The following CUX2 variants were observed in gnomAD, a reference collection of about 807,000 sequenced individuals.
CUX2 encodes the protein homeobox protein cut-like 2.
Under a neutral mutation model 144.8 loss-of-function variants are expected in CUX2, and 40 were observed. The observed-to-expected ratio is 0.28, with a 90% CI of 0.21 to 0.36. CUX2 has a LOEUF of 0.36. Ranked by LOEUF, CUX2 falls within the 10% of genes least tolerant of loss-of-function variation. The probability of loss-of-function intolerance (pLI) is 1.00; values close to 1 mark genes in which losing one functional copy is unlikely to be tolerated. For missense variants in CUX2, 1,615 were observed against 1,994.0 expected (o/e 0.81, Z 3.62); for synonymous variants, 827 against 875.6 (o/e 0.94, Z 0.98).
chr12:111,280,296 TAAATAAA>T lies in CUX2; in HGVS notation c.302-11121_302-11115del, dbSNP rs1450966849. On this transcript the variant is annotated intron_variant, in intron 4 of 21. Coordinates refer to ENST00000261726, the MANE Select transcript of CUX2 (RefSeq NM_015267.4). ...AGAGCAAGACTCTGTCTCAAATAAA[TAAATAAA>T]TAAGAATCAGGGAGAGACAGAAGGT... 1.3e-5 allele frequency among the ~76,000 whole-genome samples: 2 copies of T among 151,810 alleles called. 1 individual carries two copies. The highest frequency in any genetic ancestry group is 2.9e-5 in the Non-Finnish European group (2 of 67,966).
intron 18 of CUX2, among the ~76,000 whole-genome samples, chr12:111,329,476 C>A (rs1887992615): frequency 6.6e-6 from 1 of 152,118 alleles, no homozygotes; most frequent in Non-Finnish European, 1.5e-5. Flanking sequence ...GGGGTTCTCC[C>A]TGGGGGAGTG....
chr12:111,348,383 C>A lies in CUX2; in HGVS notation c.*58C>A. On this transcript the variant is annotated 3_prime_UTR_variant, in exon 22 of 22. Coordinates refer to ENST00000261726, the MANE Select transcript of CUX2 (RefSeq NM_015267.4). ...GTAACTACCTTCCTTCTCGCACTTA[C>A]TCTCCTCAACAGGATGGGGTAAGGG... 1 of 1,471,706 alleles carries A rather than the reference C, an allele frequency of 6.8e-7. No homozygotes were observed. Among genetic ancestry groups the A allele is most frequent in the East Asian group, 2.3e-5 (1 of 43,866 alleles). The allele number at this position is 1,471,706 out of a possible 1,614,324, so 91.2% of individuals were successfully genotyped here. A position where few individuals can be genotyped will look rare whatever the true frequency, so the allele number is the denominator to read the frequency against.
At chr12:111,052,723 T>G (rs1369957482) in intron 1 of CUX2, among the ~76,000 whole-genome samples, 2 of 152,142 alleles carry the variant, frequency 1.3e-5, no homozygotes, top group Non-Finnish European at 2.9e-5. Context: ...CTTTGTTTAT[T>G]TGTGCACCTT....
Position 111,059,335 on chromosome 12 carries a change from G to A in CUX2, c.63+25095G>A. ...AAAAAATGTGCAGACTCCACACGGA[G>A]CAAACTGGGTAGAAATAACCATATC... On this transcript the variant is annotated intron_variant, in intron 1 of 21. Transcript: ENST00000261726. The surrounding 1 kb of genome is among the most constrained non-coding windows in gnomAD (Gnocchi z 5.3). Among the ~76,000 whole-genome samples the A allele has an allele frequency of 6.6e-6, 1 of 152,228 alleles. No individual in the cohort carries two copies. Among genetic ancestry groups the A allele is most frequent in the South Asian group, 2.1e-4 (1 of 4,828 alleles).
rs544095561 is a variant in CUX2, at chr12:111,051,562, T to C, written c.63+17322T>C. On this transcript the variant is annotated intron_variant, in intron 1 of 21. Coordinates refer to ENST00000261726, the MANE Select transcript of CUX2 (RefSeq NM_015267.4). ...TGGTATAGTTACTCCCAGTTTCTTA[T>C]GGTGGCTGTTTGCATTATATATCTT... Among the ~76,000 whole-genome samples the C allele has an allele frequency of 7.8e-4, 118 of 152,232 alleles. 2 individuals carry two copies. The highest frequency in any genetic ancestry group is 2.6e-3 in the African/African-American group (106 of 41,556).
Position 111,312,112 on chromosome 12 carries a change from C to T in CUX2, c.1913C>T (p.Pro638Leu). 2 of 1,610,108 alleles carry T rather than the reference C, an allele frequency of 1.2e-6. No individual in the cohort carries two copies. Among genetic ancestry groups the T allele is most frequent in the Non-Finnish European group, 1.7e-6 (2 of 1,176,980 alleles). Residue 638 changes from proline (P) to leucine (L), a missense_variant, in exon 16 of 22, where the codon CCG becomes CTG. Pro to Leu is a moderately conservative substitution (Grantham distance 98). Coordinates refer to ENST00000261726, the MANE Select transcript of CUX2 (RefSeq NM_015267.4). This position sits in a 1 kb window ranked among gnomAD's most constrained non-coding sequence, Gnocchi z 4.3. ...CTTGCCTCCCCAGGCAGCATCACCC[C>T]GAGAATCCGCACGCCTGAGACAGGC... ...IQVRQRGSIT[P>L]RIRTPETGSD...
intron 3 of CUX2, among the ~76,000 whole-genome samples, chr12:111,225,081 GT>G (rs1201941180): frequency 3.3e-5 from 5 of 151,656 alleles, no homozygotes; most frequent in Non-Finnish European, 7.4e-5. Flanking sequence ...AATTTTTGTA[GT>G]TTTTGTAGAG....
chr12:111,085,978 G>A (rs1872191400), intron 1 of CUX2, among the ~76,000 whole-genome samples: 1 of 152,212 alleles, frequency 6.6e-6, no homozygotes, highest in African/African-American at 2.4e-5. Context: ...GTGAGATCAG[G>A]GATCAGGAGC....
intron 3 of CUX2, among the ~76,000 whole-genome samples, chr12:111,257,255 C>A (rs1437179594): frequency 7.6e-6 from 1 of 131,206 alleles, no homozygotes; most frequent in Non-Finnish European, 1.6e-5. Flanking sequence ...CTTCCCTTTT[C>A]CCCCTCCTCC....
intron 1 of CUX2, among the ~76,000 whole-genome samples, chr12:111,165,935 T>A (rs1000748142): frequency 1.3e-5 from 2 of 150,110 alleles, no homozygotes; most frequent in African/African-American, 5.1e-5. Flanking sequence ...CTAATTACGA[T>A]TATATTAAGC....
At chr12:111,241,513 C>T (rs755742926) in intron 3 of CUX2, among the ~76,000 whole-genome samples, 3 of 152,226 alleles carry the variant, frequency 2.0e-5, no homozygotes, top group Non-Finnish European at 4.4e-5. Context: ...TTGTTTCATT[C>T]TTCCACATGC....
intron 19 of CUX2, among the ~76,000 whole-genome samples, chr12:111,337,631 T>A (rs1348468096): frequency 6.6e-6 from 1 of 152,244 alleles, no homozygotes; most frequent in Admixed American, 6.5e-5. Flanking sequence ...CATTTAAAAC[T>A]GGGATGGAAT....
chr12:111,076,600 C>T (rs1871549127), intron 1 of CUX2, among the ~76,000 whole-genome samples: 1 of 152,194 alleles, frequency 6.6e-6, no homozygotes, highest in Non-Finnish European at 1.5e-5. Context: ...TGGGGTCTCT[C>T]AGTAGCTCAG....
rs1883302364 is a variant in CUX2 at position 111,246,820 on chromosome 12, C to T, written c.223-16941C>T. On this transcript the variant is annotated intron_variant, in intron 3 of 21. Coordinates refer to ENST00000261726, the MANE Select transcript of CUX2 (RefSeq NM_015267.4). The surrounding 1 kb of genome is among the most constrained non-coding windows in gnomAD (Gnocchi z 4.0). ...GCCTGTGCCTCTTCCTCCTTGAAGC[C>T]CTCCTAGCTGTGCCCTGCAGGGTAC... 6.6e-6 allele frequency among the ~76,000 whole-genome samples: 1 copy of T among 152,064 alleles called. No individual in the cohort carries two copies. Among genetic ancestry groups the T allele is most frequent in the Admixed American group, 6.5e-5 (1 of 15,272 alleles).
chr12:111,138,452 G>T (rs77639848), intron 1 of CUX2, among the ~76,000 whole-genome samples: 197 of 152,184 alleles, frequency 1.3e-3, no homozygotes, highest in African/African-American at 4.6e-3. Context: ...CCAGAGGGTC[G>T]CAGCTCCATG....
chr12:111,322,580 G>A lies in CUX2; in HGVS notation c.2926G>A (p.Ala976Thr), dbSNP rs1232804973. 1 of 1,607,036 alleles carries A rather than the reference G, an allele frequency of 6.2e-7. No homozygotes were observed. Residue 976 changes from alanine (A) to threonine (T), a missense_variant and splice_region_variant, in exon 18 of 22, where the codon GCC becomes ACC. Ala to Thr is a moderately conservative substitution (Grantham distance 58). Coordinates refer to ENST00000261726, the MANE Select transcript of CUX2 (RefSeq NM_015267.4). The surrounding 1 kb of genome is among the most constrained non-coding windows in gnomAD (Gnocchi z 4.2). The stretch of plus-strand genomic sequence containing the variant: ...GGGCCAGCAGCCTGGTGCCTCCCAG[G>A]GTGAGTGCGGGCAGGAGCATCTCAG... ...AVGQQPGASQ[A>T]SPTEPRSSPS...
intron 1 of CUX2, among the ~76,000 whole-genome samples, chr12:111,199,958 G>T (rs553653814): frequency 3.3e-5 from 5 of 152,128 alleles, no homozygotes; most frequent in Admixed American, 2.0e-4. Flanking sequence ...CTCTGTTTGC[G>T]TGCTGCGTGG....
chr12:111,058,558 AG>A (rs1870629226), intron 1 of CUX2, among the ~76,000 whole-genome samples: 1 of 152,026 alleles, frequency 6.6e-6, no homozygotes, highest in Non-Finnish European at 1.5e-5. Context: ...ACAGAGAGAG[AG>A]AGAGAGAGAC....
intron 1 of CUX2, among the ~76,000 whole-genome samples, chr12:111,096,615 G>A (rs1316791218): frequency 6.6e-6 from 1 of 152,146 alleles, no homozygotes; most frequent in Non-Finnish European, 1.5e-5. Flanking sequence ...GGCACCTCCA[G>A]CCTCCTCTTT....
Sources: allele counts gnomAD v4.1 joint callset (sites outside exome capture counted in the v4.1 genomes callset), GRCh38; gene constraint gnomAD v4.1.1; non-coding constraint Gnocchi (gnomAD v3.1); transcripts MANE v1.5; gene names NCBI Gene and HGNC (gene_info 2026-07-23, HGNC 2026-07-21).